GRIK2: variants seen among roughly 807,000 people sequenced by gnomAD.
The protein encoded by GRIK2 is glutamate ionotropic receptor kainate type subunit 2, also known as glutamate receptor ionotropic, kainate 2.
In GRIK2, 32 loss-of-function variants were observed where a neutral mutation model predicts 100.3. The ratio of observed to expected loss-of-function variants is 0.32; its 90% CI spans 0.24 to 0.43. The LOEUF is 0.43. Ranked by LOEUF, GRIK2 falls within the 20% of genes least tolerant of loss-of-function variation. The pLI is 1.00. For synonymous variants in GRIK2, 417 were observed against 389.4 expected (o/e 1.07, Z -0.83); for missense variants, 843 against 1,114.9 (o/e 0.76, Z 3.47).
intron 14 of GRIK2, among the ~76,000 whole-genome samples, chr6:101,940,535 C>G (rs1426898934): frequency 6.6e-6 from 1 of 152,110 alleles, no homozygotes; most frequent in Non-Finnish European, 1.5e-5. Flanking sequence ...CTTTCTCACT[C>G]ATCTTTATTC....
At chr6:101,765,721 A>C (rs7760050) in intron 7 of GRIK2, among the ~76,000 whole-genome samples, 11,033 of 152,170 alleles carry the variant, frequency 0.073, 692 homozygotes, top group African/African-American at 0.16. Flanking sequence ...CCTCTCCACG[A>C]AGCGGAAATT....
chr6:101,912,594 G>A (rs1032999992), intron 12 of GRIK2, among the ~76,000 whole-genome samples: 1 of 151,450 alleles, frequency 6.6e-6, no homozygotes, highest in Non-Finnish European at 1.5e-5. Context: ...AACAGGGGTG[G>A]GTATTATTGT....
At chr6:101,411,824 A>G (rs761859902) in intron 2 of GRIK2, among the ~76,000 whole-genome samples, 1 of 152,104 alleles carries the variant, frequency 6.6e-6, no homozygotes, top group Admixed American at 6.6e-5. Flanking sequence ...GCCCAAAGGG[A>G]TCTTAAACAG....
intron 2 of GRIK2, among the ~76,000 whole-genome samples, chr6:101,620,885 A>G (rs994976104): frequency 3.3e-5 from 5 of 152,150 alleles, no homozygotes; most frequent in Non-Finnish European, 7.4e-5. Flanking sequence ...CAATGATATT[A>G]GAGAGAAGGA....
intron 4 of GRIK2, 46 bp from the exon 5 acceptor site, chr6:101,676,577 T>C (rs528475461): frequency 8.6e-7 from 1 of 1,156,508 alleles, no homozygotes; most frequent in South Asian, 1.6e-5. Context: ...CCCTACTCTA[T>C]TTTTTATCTC....
At chr6:101,587,378 A>G (rs200195847) in intron 2 of GRIK2, among the ~76,000 whole-genome samples, 3 of 108,866 alleles carry the variant, frequency 2.8e-5, no homozygotes, top group Admixed American at 1.1e-4. Context: ...CTATCAATCT[A>G]TCTGTCTGTC....
intron 7 of GRIK2, among the ~76,000 whole-genome samples, chr6:101,720,379 T>C (rs570475793): frequency 7.8e-4 from 118 of 152,180 alleles, no homozygotes; most frequent in African/African-American, 2.7e-3. Context: ...CCATATATGT[T>C]GAATATGCTT....
intron 2 of GRIK2, among the ~76,000 whole-genome samples, chr6:101,497,994 T>A (rs1410588702): frequency 1.3e-5 from 2 of 149,336 alleles, no homozygotes; most frequent in Admixed American, 6.7e-5. Context: ...ATTAGGTATA[T>A]CTCCTAATAC....
In GRIK2 at chr6:101,679,580, T is replaced by A. The variant is rs183144350; in HGVS notation, c.723+2776T>A. Among the ~76,000 whole-genome samples, 209 of 152,264 alleles carry A rather than the reference T, an allele frequency of 1.4e-3. 1 individual carries two copies. Among genetic ancestry groups the A allele is most frequent in the African/African-American group, 4.9e-3 (204 of 41,554 alleles). The stretch of plus-strand genomic sequence containing the variant: ...TTCACTCAAAAGTAGCAGTAAGACA[T>A]GCTATAATTAAAACCAGATCCAGAG... On this transcript the variant is annotated intron_variant, in intron 5 of 16. Coordinates refer to ENST00000369134, the MANE Select transcript of GRIK2 (RefSeq NM_021956.5).
chr6:101,749,108 A>G (rs919103612), intron 7 of GRIK2, among the ~76,000 whole-genome samples: 1 of 152,076 alleles, frequency 6.6e-6, no homozygotes, highest in Non-Finnish European at 1.5e-5. Flanking sequence ...TATTTTATTT[A>G]TATATTGATT....
chr6:101,450,128 G>C (rs1210934052), intron 2 of GRIK2, among the ~76,000 whole-genome samples: 2 of 151,646 alleles, frequency 1.3e-5, no homozygotes, highest in Non-Finnish European at 3.0e-5. Context: ...TGCCCTCAAG[G>C]TTACTAGTTC....
At chr6:101,841,114 A>G (rs954446929) in intron 10 of GRIK2, among the ~76,000 whole-genome samples, 6 of 152,190 alleles carry the variant, frequency 3.9e-5, no homozygotes, top group South Asian at 2.1e-4. Flanking sequence ...TTGAAGAGAA[A>G]CAAAACAGTA....
At chr6:101,915,264 A>T (rs566555888) in intron 12 of GRIK2, among the ~76,000 whole-genome samples, 5 of 151,452 alleles carry the variant, frequency 3.3e-5, no homozygotes, top group Non-Finnish European at 7.4e-5. Context: ...GCAACTGATA[A>T]CAGAATAACA....
chr6:101,667,526 A>G (rs1770119118), intron 4 of GRIK2, among the ~76,000 whole-genome samples: 3 of 152,288 alleles, frequency 2.0e-5, no homozygotes, highest in Admixed American at 2.0e-4. Context: ...TTTAGTTGCA[A>G]CTGACTATAA....
chr6:101,653,199 C>T (rs1191725962), intron 4 of GRIK2, among the ~76,000 whole-genome samples: 1 of 152,082 alleles, frequency 6.6e-6, no homozygotes, highest in African/African-American at 2.4e-5. Context: ...GTTATTATTG[C>T]TTGCCCCAGG....
At chr6:101,562,129 G>C (rs1166283364) in intron 2 of GRIK2, among the ~76,000 whole-genome samples, 4 of 152,022 alleles carry the variant, frequency 2.6e-5, no homozygotes, top group Non-Finnish European at 5.9e-5. Context: ...GTGAAAAGGG[G>C]GGAAATCTAT....
In GRIK2 at chr6:101,962,863, A is replaced by G. The variant is rs568260439; in HGVS notation, c.2085+34231A>G. On this transcript the variant is annotated intron_variant, in intron 14 of 16. Transcript: ENST00000369134. ...CAAACCTACTATTCCTTATTTCTGT[A>G]TAGCCTCTCTGTCTTGTGATGGCCA... Among the ~76,000 whole-genome samples the G allele has an allele frequency of 1.2e-4, 19 of 152,030 alleles. No homozygotes were observed. The East Asian group carries it at 2.3e-3, about 19-fold the overall frequency.
intron 2 of GRIK2, among the ~76,000 whole-genome samples, chr6:101,570,937 G>C (rs894049959): frequency 6.6e-6 from 1 of 152,140 alleles, no homozygotes; most frequent in Non-Finnish European, 1.5e-5. Flanking sequence ...ACTGTGGTCT[G>C]TTGTGAAGGG....
At chr6:101,717,989 A>G (rs1774187182) in intron 7 of GRIK2, among the ~76,000 whole-genome samples, 1 of 151,842 alleles carries the variant, frequency 6.6e-6, no homozygotes, top group South Asian at 2.1e-4. Context: ...TAATGAAAAC[A>G]TATTTAATAA....
Sources: allele counts gnomAD v4.1 joint callset (sites outside exome capture counted in the v4.1 genomes callset), GRCh38; gene constraint gnomAD v4.1.1; transcripts MANE v1.5; gene names NCBI Gene and HGNC (gene_info 2026-07-23, HGNC 2026-07-21).